The following GFM1 variants were observed in gnomAD, a reference collection of about 807,000 sequenced individuals.
The protein encoded by GFM1 is elongation factor G, mitochondrial.
Under a neutral mutation model 96.2 loss-of-function variants are expected in GFM1, and 62 were observed. The observed-to-expected ratio is 0.64, with a 90% CI of 0.53 to 0.80. The LOEUF is 0.80. GFM1 is among the 30% of genes least tolerant of loss of function. The pLI is 0.00. For synonymous variants in GFM1, 282 were observed against 312.9 expected (o/e 0.90, Z 1.04); for missense variants, 852 against 916.6 (o/e 0.93, Z 0.91).
intron 14 of GFM1, among the ~76,000 whole-genome samples, chr3:158,683,629 A>G (rs1245785646): frequency 2.6e-5 from 4 of 152,228 alleles, no homozygotes; most frequent in Non-Finnish European, 4.4e-5. Flanking sequence ...GGGGCTCAAG[A>G]CACAGCTAGT....
chr3:158,676,785 C>T lies in GFM1; in HGVS notation c.1602-5210C>T, dbSNP rs537698705. Among the ~76,000 whole-genome samples, 49 of 151,760 alleles carry T rather than the reference C, an allele frequency of 3.2e-4. No homozygotes were observed. The East Asian group carries it at 6.2e-3, about 19-fold the overall frequency. ...TGCAATCTCAGCTAACTGCAACCTC[C>T]GCCTCCCAGGTTCAAGCAATTCTCC... On this transcript the variant is annotated intron_variant, in intron 13 of 17. Coordinates refer to ENST00000486715, the MANE Select transcript of GFM1 (RefSeq NM_024996.7).
At chr3:158,673,034 A>T (rs1380619180) in intron 13 of GFM1, among the ~76,000 whole-genome samples, 1 of 152,022 alleles carries the variant, frequency 6.6e-6, no homozygotes, top group Non-Finnish European at 1.5e-5. Context: ...TAGTGATTCG[A>T]TTCCTTCATT....
At chr3:158,653,188 CTA>C (rs1484427734) in intron 6 of GFM1, 120 bp from the exon 7 acceptor site, 1 of 760,998 alleles carries the variant, frequency 1.3e-6, no homozygotes, top group Admixed American at 2.5e-5. Flanking sequence ...ATTTTAGTCT[CTA>C]TTAGAGTCAG....
At chr3:158,664,216 A>G (rs1390196693) in intron 11 of GFM1, among the ~76,000 whole-genome samples, 1 of 152,250 alleles carries the variant, frequency 6.6e-6, no homozygotes, top group Non-Finnish European at 1.5e-5. Context: ...TTAGTTTTCT[A>G]TTGCTGACTT....
intron 15 of GFM1, among the ~76,000 whole-genome samples, chr3:158,687,305 C>A (rs1385631467): frequency 6.6e-6 from 1 of 152,002 alleles, no homozygotes; most frequent in Non-Finnish European, 1.5e-5. Flanking sequence ...GCCACCATGG[C>A]TGGTTGAGTA....
chr3:158,658,235 C>T (rs1025709061), intron 8 of GFM1, among the ~76,000 whole-genome samples: 6 of 139,984 alleles, frequency 4.3e-5, no homozygotes, highest in Non-Finnish European at 7.5e-5. Flanking sequence ...GGTGCGATCT[C>T]GGCTCACTGC....
chr3:158,669,622 T>A (rs776356944), intron 13 of GFM1: 2 of 1,611,950 alleles, frequency 1.2e-6, no homozygotes, highest in African/African-American at 2.7e-5. Context: ...TGTTTGAAAT[T>A]TAGCAAAATA....
chr3:158,654,493 T>C (rs1192382766), intron 7 of GFM1, 54 bp from the exon 8 acceptor site: 1 of 1,077,808 alleles, frequency 9.3e-7, no homozygotes, highest in African/African-American at 1.6e-5. Context: ...TAAATTGATA[T>C]AAAAGAAATA....
intron 4 of GFM1, among the ~76,000 whole-genome samples, chr3:158,647,231 T>C (rs1005080494): frequency 2.0e-5 from 3 of 152,218 alleles, no homozygotes; most frequent in Non-Finnish European, 4.4e-5. Flanking sequence ...TTTGCTATTA[T>C]GAGAGAAGTT....
In GFM1 at chr3:158,646,211, T is replaced by G. The variant is rs1721787109; in HGVS notation, c.281T>G (p.Leu94Arg). Reference sequence around the variant, plus strand: ...GGTGCTGTCATGGATTCCATGGAACTAGAGAGACAAAGAGGAATCACTATT... The same window carrying G: ...GGTGCTGTCATGGATTCCATGGAACGAGAGAGACAAAGAGGAATCACTATT... ...GVGAVMDSME[L>R]ERQRGITIQS... The change falls in exon 3 of 18, where the codon CTA (leucine) becomes CGA (arginine). Residue 94 changes from leucine (L) to arginine (R), a missense_variant. Transcript: ENST00000486715. 6.2e-7 allele frequency: 1 copy of G among 1,613,874 alleles called. No homozygotes were observed. The highest frequency in any genetic ancestry group is 2.2e-5 in the East Asian group (1 of 44,888).
At chr3:158,679,732 G>A (rs1198604445) in intron 13 of GFM1, among the ~76,000 whole-genome samples, 1 of 152,104 alleles carries the variant, frequency 6.6e-6, no homozygotes, top group African/African-American at 2.4e-5. Context: ...TGTTGATAGT[G>A]TCCAGGAAAG....
intron 16 of GFM1, chr3:158,690,581 C>A: frequency 2.2e-6 from 1 of 445,970 alleles, no homozygotes; most frequent in Non-Finnish European, 4.0e-6. Flanking sequence ...CACAGATGGA[C>A]AAATTAAAAA....
chr3:158,658,895 C>G (rs777627854), intron 8 of GFM1, 27 bp from the exon 9 acceptor site: 1 of 1,613,226 alleles, frequency 6.2e-7, no homozygotes, highest in Non-Finnish European at 8.5e-7. Context: ...TTTATTCTTC[C>G]TGCCCTTACC....
At chr3:158,669,409 GGTTTTCAT>G (rs779179600) in intron 13 of GFM1, 35 of 1,582,212 alleles carry the variant, frequency 2.2e-5, no homozygotes, top group Non-Finnish European at 2.8e-5. Flanking sequence ...TCAAACAAAT[GGTTTTCAT>G]GCCATATTTA....
chr3:158,671,002 T>A, intron 13 of GFM1: 4 of 1,536,614 alleles, frequency 2.6e-6, no homozygotes, highest in Non-Finnish European at 3.5e-6. Context: ...GATACTTATG[T>A]CCTCTTCCTG....
intron 5 of GFM1, chr3:158,649,865 T>C (rs1296283560): frequency 3.0e-6 from 2 of 670,610 alleles, no homozygotes; most frequent in Admixed American, 2.4e-5. Flanking sequence ...AGTTTGCATT[T>C]CTGGAAGGTT....
intron 15 of GFM1, among the ~76,000 whole-genome samples, chr3:158,689,774 G>T (rs1199469730): frequency 1.3e-5 from 2 of 151,456 alleles, no homozygotes; most frequent in Non-Finnish European, 1.5e-5. Context: ...GAAAGAATGG[G>T]TTTACCTTGG....
rs1358056085 is a variant in GFM1 at position 158,682,335 on chromosome 3, A to G, written c.1764+178A>G. 3 of 602,184 alleles carry G rather than the reference A, an allele frequency of 5.0e-6. No homozygotes were observed. The East Asian group carries it at 8.5e-5, about 17-fold the overall frequency. The allele number at this position is 602,184 out of a possible 1,614,324, so 37.3% of individuals were successfully genotyped here. ...GAATCTCTAATTCATTAAGCAGAAG[A>G]GCTGTAAATCCATGCTGTGACAATG... On this transcript the variant is annotated intron_variant, in intron 14 of 17. Transcript: ENST00000486715.
At chr3:158,682,336 G>C in intron 14 of GFM1, 179 bp downstream of exon 14, 1 of 591,846 alleles carries the variant, frequency 1.7e-6, no homozygotes, top group African/African-American at 1.9e-5. Context: ...AAGCAGAAGA[G>C]CTGTAAATCC....
Sources: allele counts gnomAD v4.1 joint callset (sites outside exome capture counted in the v4.1 genomes callset), GRCh38; gene constraint gnomAD v4.1.1; transcripts MANE v1.5; gene names NCBI Gene and HGNC (gene_info 2026-07-23, HGNC 2026-07-21).